The following CCSER1 variants were observed in gnomAD, a reference collection of about 807,000 sequenced individuals.
CCSER1 encodes the protein serine-rich coiled-coil domain-containing protein 1.
A neutral mutation model predicts 82.0 loss-of-function variants in CCSER1; 41 were observed. The ratio of observed to expected loss-of-function variants is 0.50; its 90% CI spans 0.39 to 0.65. The LOEUF is 0.65. Ranked by LOEUF, CCSER1 falls within the 30% of genes least tolerant of loss-of-function variation. The pLI is 0.00. For synonymous variants in CCSER1, 414 were observed against 383.9 expected (o/e 1.08, Z -0.92); for missense variants, 1,119 against 1,064.2 (o/e 1.05, Z -0.72).
At chr4:91,466,209 C>A (rs1756895186) in intron 10 of CCSER1, among the ~76,000 whole-genome samples, 1 of 152,180 alleles carries the variant, frequency 6.6e-6, no homozygotes, top group Non-Finnish European at 1.5e-5. Context: ...ATATGCAAAT[C>A]AGTAAACGTA....
chr4:90,555,651 T>G (rs984200143), intron 5 of CCSER1, among the ~76,000 whole-genome samples: 3 of 152,102 alleles, frequency 2.0e-5, no homozygotes, highest in African/African-American at 4.8e-5. Context: ...ATGATGTGCC[T>G]TTATTATTGT....
At chr4:90,374,679 C>T (rs549922263) in intron 3 of CCSER1, among the ~76,000 whole-genome samples, 2 of 152,268 alleles carry the variant, frequency 1.3e-5, no homozygotes, top group South Asian at 4.1e-4. Flanking sequence ...CATCATTGGA[C>T]AATTGACCTC....
At position 91,599,362 on chromosome 4, in the gene CCSER1, CACTT is replaced by C; in HGVS notation, c.*309_*312del. ...TAATTTATTTATTTTTTATCTCTAT[CACTT>C]ACTGATATGCATTAAGGTTTCAGAA... On this transcript the variant is annotated 3_prime_UTR_variant, in exon 11 of 11. Coordinates refer to ENST00000509176, the MANE Select transcript of CCSER1 (RefSeq NM_001145065.2). The C allele has an allele frequency of 4.7e-6, 1 of 214,314 alleles. No homozygotes were observed. The highest frequency in any genetic ancestry group is 9.3e-6 in the Non-Finnish European group (1 of 107,934). The allele number at this position is 214,314 out of a possible 1,614,324, so 13.3% of individuals were successfully genotyped here.
At chr4:91,168,583 T>C (rs1240410934) in intron 10 of CCSER1, among the ~76,000 whole-genome samples, 1 of 151,072 alleles carries the variant, frequency 6.6e-6, no homozygotes, top group Non-Finnish European at 1.5e-5. Flanking sequence ...GGAGCGCCTC[T>C]GCCCGGCCAC....
At chr4:90,714,681 A>G (rs889799016) in intron 6 of CCSER1, among the ~76,000 whole-genome samples, 3 of 152,020 alleles carry the variant, frequency 2.0e-5, no homozygotes, top group Non-Finnish European at 4.4e-5. Context: ...AAATAAATAT[A>G]TGAACTCCTA....
At chr4:90,193,348 G>A (rs972141759) in intron 1 of CCSER1, among the ~76,000 whole-genome samples, 1 of 151,988 alleles carries the variant, frequency 6.6e-6, no homozygotes. Flanking sequence ...ATCTATGGTC[G>A]TACTTCACAT....
intron 10 of CCSER1, among the ~76,000 whole-genome samples, chr4:91,518,840 T>C (rs1285308169): frequency 6.6e-6 from 1 of 152,078 alleles, no homozygotes; most frequent in Non-Finnish European, 1.5e-5. Context: ...TGCTCAGCCA[T>C]GGGTTGGGCA....
At chr4:90,277,661 C>T (rs1728082953) in intron 1 of CCSER1, among the ~76,000 whole-genome samples, 1 of 151,880 alleles carries the variant, frequency 6.6e-6, no homozygotes, top group Non-Finnish European at 1.5e-5. Context: ...TACCTATCAC[C>T]ATATATGAAA....
intron 9 of CCSER1, 196 bp downstream of exon 9, chr4:90,923,643 C>T: frequency 2.2e-6 from 1 of 455,898 alleles, no homozygotes; most frequent in South Asian, 4.1e-5. Flanking sequence ...AACTGGCATA[C>T]CAATGCCTTA....
intron 4 of CCSER1, among the ~76,000 whole-genome samples, chr4:90,414,416 C>G (rs1244623640): frequency 6.6e-6 from 1 of 151,648 alleles, no homozygotes; most frequent in Non-Finnish European, 1.5e-5. Context: ...TTTTTACTAC[C>G]AGACATTTCT....
At chr4:90,229,797 CA>C (rs989190818) in intron 1 of CCSER1, among the ~76,000 whole-genome samples, 3 of 151,350 alleles carry the variant, frequency 2.0e-5, no homozygotes, top group Middle Eastern at 3.4e-3. Flanking sequence ...AAATGGAAAA[CA>C]AAAAAAGGCA....
chr4:91,092,807 G>A (rs1456885965), intron 10 of CCSER1, among the ~76,000 whole-genome samples: 2 of 152,088 alleles, frequency 1.3e-5, no homozygotes, highest in Non-Finnish European at 2.9e-5. Context: ...GGAGTAGGGG[G>A]GCTGTGACTG....
intron 8 of CCSER1, among the ~76,000 whole-genome samples, chr4:90,900,905 T>G (rs1274060751): frequency 6.6e-6 from 1 of 152,004 alleles, no homozygotes; most frequent in Non-Finnish European, 1.5e-5. Flanking sequence ...AGTTCCCCAC[T>G]ACTATTGGAT....
intron 7 of CCSER1, among the ~76,000 whole-genome samples, chr4:90,772,864 A>C (rs1355232646): frequency 6.6e-6 from 1 of 152,188 alleles, no homozygotes; most frequent in Non-Finnish European, 1.5e-5. Context: ...CTAAGTTTTT[A>C]TATCCTATTT....
intron 10 of CCSER1, among the ~76,000 whole-genome samples, chr4:91,467,131 C>T (rs907458021): frequency 6.6e-5 from 10 of 152,148 alleles, no homozygotes; most frequent in Admixed American, 6.5e-4. Flanking sequence ...GTGACCAAAA[C>T]AGCATGGTAC....
intron 10 of CCSER1, among the ~76,000 whole-genome samples, chr4:91,090,462 C>T (rs1280891898): frequency 6.6e-6 from 1 of 152,150 alleles, no homozygotes; most frequent in Non-Finnish European, 1.5e-5. Flanking sequence ...TTTGTGGTAC[C>T]ATTATACAGT....
intron 9 of CCSER1, among the ~76,000 whole-genome samples, chr4:90,931,776 C>T (rs1420661247): frequency 6.6e-6 from 1 of 152,148 alleles, no homozygotes; most frequent in African/African-American, 2.4e-5. Context: ...CATTGGTCCT[C>T]AGTGTGGTCT....
chr4:91,155,556 C>A (rs1730729181), intron 10 of CCSER1, among the ~76,000 whole-genome samples: 1 of 151,912 alleles, frequency 6.6e-6, no homozygotes, highest in African/African-American at 2.4e-5. Flanking sequence ...ATTTGGGAGT[C>A]ATGAACAAGT....
intron 8 of CCSER1, among the ~76,000 whole-genome samples, chr4:90,862,804 C>T (rs1188278798): frequency 6.6e-6 from 1 of 151,672 alleles, no homozygotes; most frequent in African/African-American, 2.4e-5. Context: ...AATGATGCCA[C>T]AGTTTGCCCC....
Sources: gnomAD v4.1 joint callset for allele counts (sites outside exome capture counted in the v4.1 genomes callset) on GRCh38, gnomAD v4.1.1 for gene constraint, MANE v1.5 for transcripts, NCBI Gene and HGNC (gene_info 2026-07-23, HGNC 2026-07-21) for gene names.